The following EPHA4 variants were observed in gnomAD, a reference collection of about 807,000 sequenced individuals.
EPHA4 encodes ephrin type-A receptor 4.
EPHA4 carries 19 observed loss-of-function variants against 108.3 expected under a neutral mutation model. That is an observed-to-expected ratio of 0.18 (90% CI 0.12 to 0.26). EPHA4 has a LOEUF of 0.26. EPHA4 is among the 10% of genes least tolerant of loss of function. The pLI is 1.00. For synonymous variants in EPHA4, 449 were observed against 455.5 expected, an observed-to-expected ratio of 0.99 and a Z score of 0.18; for missense variants, 917 against 1,254.0, an observed-to-expected ratio of 0.73 and a Z score of 4.06.
intron 3 of EPHA4, among the ~76,000 whole-genome samples, chr2:221,534,246 A>C (rs1043341881): frequency 6.6e-6 from 1 of 152,208 alleles, no homozygotes; most frequent in African/African-American, 2.4e-5. Flanking sequence ...GTGCAAAAAC[A>C]TGCCTGTAAT....
At chr2:221,501,268 A>T (rs1692481900) in intron 3 of EPHA4, 96 bp from the exon 4 acceptor site, 1 of 1,114,184 alleles carries the variant, frequency 9.0e-7, no homozygotes, top group Admixed American at 3.1e-5. Flanking sequence ...AAGAAGGGAG[A>T]CGTTCTTGCT....
At chr2:221,440,972 G>T (rs1026281514) in intron 11 of EPHA4, among the ~76,000 whole-genome samples, 1 of 151,938 alleles carries the variant, frequency 6.6e-6, no homozygotes, top group African/African-American at 2.4e-5. Flanking sequence ...CCAAACTTAC[G>T]GGCCGCACAC....
rs374327595 is a variant in EPHA4, at chr2:221,455,627, G to A, written c.1635C>T (p.Asn545=). 3.7e-6 allele frequency: 6 copies of A among 1,613,754 alleles called. No homozygotes were observed. The highest frequency in any genetic ancestry group is 1.3e-5 in the African/African-American group (1 of 74,914). The change falls in exon 8 of 18, where the codon AAC becomes AAT. Residue 545 remains asparagine, a synonymous_variant. Coordinates refer to ENST00000281821, the MANE Select transcript of EPHA4 (RefSeq NM_004438.5). ...AGACAGAGACCAGAAGGACTGTGGA[G>A]TTAGCCCCATCTCCAATGATCCGGG... The part of the protein sequence containing the change: ...VPSRIIGDGA[N]STVLLVSVSG...
At chr2:221,507,903 A>C in intron 3 of EPHA4, among the ~76,000 whole-genome samples, 1 of 152,206 alleles carries the variant, frequency 6.6e-6, no homozygotes, top group East Asian at 1.9e-4. Context: ...GTAGTTTCTA[A>C]TCTTTCTTCT....
At chr2:221,561,393 T>C (rs572508265) in intron 3 of EPHA4, among the ~76,000 whole-genome samples, 1 of 152,146 alleles carries the variant, frequency 6.6e-6, no homozygotes, top group Non-Finnish European at 1.5e-5. Context: ...GTGCAAAAAG[T>C]GTCTTGAAAG....
intron 3 of EPHA4, among the ~76,000 whole-genome samples, chr2:221,509,115 G>C (rs892341490): frequency 1.8e-4 from 28 of 152,272 alleles, no homozygotes; most frequent in African/African-American, 6.0e-4. Flanking sequence ...GATTACCTTA[G>C]GTCAGGAGTT....
intron 4 of EPHA4, among the ~76,000 whole-genome samples, chr2:221,496,420 C>G (rs1466182952): frequency 6.6e-6 from 1 of 152,028 alleles, no homozygotes; most frequent in African/African-American, 2.4e-5. Context: ...AATACAGGTC[C>G]ATTATATTCA....
chr2:221,551,318 A>C (rs1694152897), intron 3 of EPHA4, among the ~76,000 whole-genome samples: 1 of 152,154 alleles, frequency 6.6e-6, no homozygotes, highest in Admixed American at 6.5e-5. Flanking sequence ...TAGAAGATAT[A>C]ATTGAAAATA....
chr2:221,459,945 C>T (rs1691089118), intron 5 of EPHA4, among the ~76,000 whole-genome samples: 1 of 152,066 alleles, frequency 6.6e-6, no homozygotes, highest in Non-Finnish European at 1.5e-5. Context: ...GCCTGCCTGC[C>T]CTTGGAGTGC....
At position 221,483,814 on chromosome 2, in the gene EPHA4, T is replaced by G. The variant is rs185574511; in HGVS notation, c.980-1124A>C. On this transcript the variant is annotated intron_variant, in intron 4 of 17. Transcript: ENST00000281821. ...CATGCCCGGCCATGATTGGTCTTAA[T>G]AGGGCAAAAAAATTGTGACACAAAC... is the stretch of plus-strand genomic sequence containing the variant. Among the ~76,000 whole-genome samples, 4 of 152,100 alleles carry G rather than the reference T, an allele frequency of 2.6e-5. No homozygotes were observed. In the East Asian group the frequency reaches 7.8e-4, roughly 30 times the overall value.
At chr2:221,511,896 AAAAACAAAATAT>A (rs1692844622) in intron 3 of EPHA4, among the ~76,000 whole-genome samples, 1 of 151,370 alleles carries the variant, frequency 6.6e-6, no homozygotes, top group African/African-American at 2.5e-5. Context: ...TTGCTATCTG[AAAAACAAAATAT>A]GGTTTTCAAT....
chr2:221,456,298 T>C (rs1202829489), intron 7 of EPHA4, among the ~76,000 whole-genome samples: 1 of 152,190 alleles, frequency 6.6e-6, no homozygotes, highest in East Asian at 1.9e-4. Context: ...GTAGGGTAGC[T>C]ATGTAACCCT....
At chr2:221,538,171 T>C (rs528316345) in intron 3 of EPHA4, among the ~76,000 whole-genome samples, 1 of 152,320 alleles carries the variant, frequency 6.6e-6, no homozygotes, top group African/African-American at 2.4e-5. Context: ...GTTATAAGTC[T>C]TCTGTTATAG....
intron 3 of EPHA4, among the ~76,000 whole-genome samples, chr2:221,522,335 TCA>T (rs1439983643): frequency 8.5e-5 from 13 of 152,212 alleles, no homozygotes; most frequent in African/African-American, 2.9e-4. Context: ...ATTGTCAATA[TCA>T]CACGTTTGAA....
At chr2:221,556,432 G>C (rs1381400742) in intron 3 of EPHA4, among the ~76,000 whole-genome samples, 8 of 151,624 alleles carry the variant, frequency 5.3e-5, no homozygotes, top group Non-Finnish European at 8.8e-5. Flanking sequence ...GAGTAGCTGG[G>C]ACTACAGGCT....
intron 5 of EPHA4, among the ~76,000 whole-genome samples, chr2:221,470,102 T>C (rs1156815962): frequency 6.6e-6 from 1 of 152,100 alleles, no homozygotes; most frequent in Non-Finnish European, 1.5e-5. Context: ...AAAGTATAAA[T>C]TATAGCATGA....
intron 3 of EPHA4, among the ~76,000 whole-genome samples, chr2:221,526,681 T>TACTA (rs1574635312): frequency 6.6e-6 from 1 of 151,696 alleles, no homozygotes; most frequent in East Asian, 1.9e-4. Flanking sequence ...ACCCGCTCTC[T>TACTA]ACTAGAAATA....
At chr2:221,434,768 C>A (rs777239846) in intron 13 of EPHA4, among the ~76,000 whole-genome samples, 2 of 152,094 alleles carry the variant, frequency 1.3e-5, no homozygotes, top group African/African-American at 2.4e-5. Flanking sequence ...CCTTATACAG[C>A]ATGAGAAATA....
chr2:221,507,573 T>C (rs1201978376), intron 3 of EPHA4, among the ~76,000 whole-genome samples: 1 of 152,176 alleles, frequency 6.6e-6, no homozygotes, highest in African/African-American at 2.4e-5. Context: ...TTTTTTTTAA[T>C]TTCTGAGCCA....
Sources: gnomAD v4.1 joint callset for allele counts (sites outside exome capture counted in the v4.1 genomes callset) on GRCh38, gnomAD v4.1.1 for gene constraint, MANE v1.5 for transcripts, NCBI Gene and HGNC (gene_info 2026-07-23, HGNC 2026-07-21) for gene names.